Variants in SAMSN1 observed in about 807,000 individuals in gnomAD.
The protein encoded by SAMSN1 is SAM domain, SH3 domain and nuclear localization signals 1.
In SAMSN1, 31 loss-of-function variants were observed where a neutral mutation model predicts 42.0. The ratio of observed to expected loss-of-function variants is 0.74; its 90% CI spans 0.55 to 1.00. SAMSN1 has a LOEUF of 1.00. Ranked by LOEUF, SAMSN1 falls within the 50% of genes least tolerant of loss-of-function variation. SAMSN1 has a pLI of 0.00. For missense variants in SAMSN1, 464 were observed against 439.4 expected, an observed-to-expected ratio of 1.06 and a Z score of -0.50; for synonymous variants, 178 against 151.9, an observed-to-expected ratio of 1.17 and a Z score of -1.26.
At chr21:14,597,965 T>G (rs1164593793) in intron 6 of SAMSN1, 1 of 152,198 alleles carries the variant, frequency 6.6e-6, no homozygotes, top group Admixed American at 6.6e-5. Flanking sequence ...TATATTTCAT[T>G]GGCCACAACT....
At chr21:14,567,760 G>A (rs976084102) in intron 2 of SAMSN1, among the ~76,000 whole-genome samples, 7 of 151,820 alleles carry the variant, frequency 4.6e-5, no homozygotes, top group African/African-American at 1.7e-4. Context: ...GACCTTGACT[G>A]AAACCGCAGC....
At chr21:14,610,240 G>T (rs1982669031) in intron 4 of SAMSN1, among the ~76,000 whole-genome samples, 1 of 152,168 alleles carries the variant, frequency 6.6e-6, no homozygotes, top group Non-Finnish European at 1.5e-5. Flanking sequence ...ACAGCCCTGG[G>T]AAAAGAACGC....
At chr21:14,556,495 A>G (rs1980766893) in intron 2 of SAMSN1, among the ~76,000 whole-genome samples, 1 of 152,252 alleles carries the variant, frequency 6.6e-6, no homozygotes, top group Non-Finnish European at 1.5e-5. Context: ...GTGTATATGC[A>G]TGCGTGTGTT....
chr21:14,592,873 G>A (rs1003354246), intron 7 of SAMSN1, among the ~76,000 whole-genome samples: 6 of 152,032 alleles, frequency 3.9e-5, no homozygotes, highest in Non-Finnish European at 4.4e-5. Flanking sequence ...CAAATGTATA[G>A]CTTTATTTTC....
intron 2 of SAMSN1, among the ~76,000 whole-genome samples, chr21:14,625,854 C>T (rs1983153201): frequency 6.6e-6 from 1 of 152,190 alleles, no homozygotes; most frequent in African/African-American, 2.4e-5. Flanking sequence ...AAGCTGGAGG[C>T]ATCACGCTAC....
At position 14,558,927 on chromosome 21, in the gene SAMSN1, C is replaced by T. The variant is rs183448081; in HGVS notation, c.261+23209G>A. Among the ~76,000 whole-genome samples the T allele has an allele frequency of 1.7e-3, 260 of 152,164 alleles. 2 individuals are homozygous for T. Among genetic ancestry groups the T allele is most frequent in the African/African-American group, 4.6e-3 (193 of 41,532 alleles). ...AAACTATTTGAATTTCCTTTTCTAC[C>T]GACTCAGCTCCTGATTCCAGGACTT... On this transcript the variant is annotated intron_variant, in intron 2 of 8. Transcript: ENST00000285670.
upstream of SAMSN1, among the ~76,000 whole-genome samples, chr21:14,586,728 A>C (rs1023537453): frequency 1.3e-5 from 2 of 152,198 alleles, no homozygotes; most frequent in African/African-American, 4.8e-5. Flanking sequence ...GCTTCACTGA[A>C]GATACTAAAG....
intron 6 of SAMSN1, among the ~76,000 whole-genome samples, chr21:14,596,098 C>A (rs1407125503): frequency 6.6e-6 from 1 of 152,056 alleles, no homozygotes; most frequent in Non-Finnish European, 1.5e-5. Context: ...GTTGCTTAAA[C>A]TCTCTTCTTT....
At chr21:14,591,804 C>A (rs1982094869) in intron 7 of SAMSN1, 1 of 152,126 alleles carries the variant, frequency 6.6e-6, no homozygotes, top group African/African-American at 2.4e-5. Context: ...ACATGATATT[C>A]TAGCTCCTCC....
chr21:14,540,053 A>G (rs368446098), intron 1 of SAMSN1, among the ~76,000 whole-genome samples: 1 of 152,234 alleles, frequency 6.6e-6, no homozygotes, highest in Non-Finnish European at 1.5e-5. Context: ...AGGATTCCCT[A>G]TTTAATAAAT....
At chr21:14,581,515 C>T (rs535525240) in intron 2 of SAMSN1, among the ~76,000 whole-genome samples, 25 of 151,002 alleles carry the variant, frequency 1.7e-4, no homozygotes, top group Admixed American at 4.6e-4. Flanking sequence ...CCCGCCACCA[C>T]GCCCGGCTAA....
intron 2 of SAMSN1, among the ~76,000 whole-genome samples, chr21:14,579,564 A>T (rs1981630552): frequency 6.6e-6 from 1 of 151,462 alleles, no homozygotes; most frequent in African/African-American, 2.4e-5. Context: ...TCTAACCTCC[A>T]TTTATTTAGG....
intron 1 of SAMSN1, among the ~76,000 whole-genome samples, chr21:14,524,593 C>T (rs1215336198): frequency 6.6e-6 from 1 of 152,066 alleles, no homozygotes; most frequent in African/African-American, 2.4e-5. Context: ...CCCTTTGTCC[C>T]AAGAATTCCA....
chr21:14,500,467 C>T, intron 6 of SAMSN1, 62 bp downstream of exon 6: 1 of 1,373,910 alleles, frequency 7.3e-7, no homozygotes, highest in Non-Finnish European at 1.0e-6. Flanking sequence ...AATACTGATC[C>T]ACTCCCTTCG....
intron 4 of SAMSN1, among the ~76,000 whole-genome samples, chr21:14,611,390 A>T (rs148762121): frequency 6.6e-6 from 1 of 152,344 alleles, no homozygotes; most frequent in East Asian, 1.9e-4. Flanking sequence ...ATCATTCTAC[A>T]TGTTGTATCA....
At chr21:14,645,066 T>C (rs1348192268) in intron 1 of SAMSN1, among the ~76,000 whole-genome samples, 9 of 152,166 alleles carry the variant, frequency 5.9e-5, no homozygotes, top group Non-Finnish European at 1.3e-4. Flanking sequence ...ACTTCTGGAC[T>C]CACCCAGGGC....
At chr21:14,632,378 C>T (rs1000917103) in intron 2 of SAMSN1, among the ~76,000 whole-genome samples, 1 of 151,988 alleles carries the variant, frequency 6.6e-6, no homozygotes, top group Non-Finnish European at 1.5e-5. Context: ...TAACCCTGAT[C>T]AGTATCTTGT....
At chr21:14,496,652 T>G (rs556181907) in intron 7 of SAMSN1, among the ~76,000 whole-genome samples, 5 of 152,338 alleles carry the variant, frequency 3.3e-5, no homozygotes, top group African/African-American at 1.2e-4. Flanking sequence ...CACTGATCAA[T>G]TTTGTCTTGA....
chr21:14,496,517 C>T (rs531689798), intron 7 of SAMSN1: 1 of 152,276 alleles, frequency 6.6e-6, no homozygotes, highest in East Asian at 1.9e-4. Flanking sequence ...GGACATTGTC[C>T]ATAATAAAAC....
Sources: gnomAD v4.1 joint callset for allele counts (sites outside exome capture counted in the v4.1 genomes callset) on GRCh38, gnomAD v4.1.1 for gene constraint, MANE v1.5 for transcripts, NCBI Gene and HGNC (gene_info 2026-07-23, HGNC 2026-07-21) for gene names.